The following GAK variants were observed in gnomAD, a reference collection of about 807,000 sequenced individuals.
The protein encoded by GAK is cyclin G associated kinase.
A neutral mutation model predicts 143.9 loss-of-function variants in GAK; 79 were observed. The observed-to-expected ratio is 0.55, with a 90% CI of 0.46 to 0.66. GAK has a LOEUF of 0.66. Among genes scored for constraint, GAK ranks in the 30% least tolerant of loss-of-function variants. The probability of loss-of-function intolerance (pLI) is 0.00; values close to 1 mark genes in which losing one functional copy is unlikely to be tolerated. For missense variants in GAK, 1,693 were observed against 1,779.7 expected, an observed-to-expected ratio of 0.95 and a Z score of 0.88; for synonymous variants, 881 against 765.5, an observed-to-expected ratio of 1.15 and a Z score of -2.49.
intron 18 of GAK, among the ~76,000 whole-genome samples, chr4:872,077 C>T (rs1201029605): frequency 6.6e-6 from 1 of 152,340 alleles, no homozygotes; most frequent in South Asian, 2.1e-4. Flanking sequence ...CGAGGGAGGG[C>T]AGGGAGACGG....
intron 1 of GAK, among the ~76,000 whole-genome samples, chr4:927,793 C>T (rs1383161281): frequency 1.3e-5 from 2 of 151,764 alleles, no homozygotes; most frequent in East Asian, 3.9e-4. Flanking sequence ...CACTGCCCCG[C>T]ACCCCTCCCT....
At chr4:925,504 C>G (rs1724575129) in intron 1 of GAK, among the ~76,000 whole-genome samples, 1 of 152,212 alleles carries the variant, frequency 6.6e-6, no homozygotes, top group Admixed American at 6.5e-5. Context: ...AGACACTTTT[C>G]TAACGTAAAA....
chr4:906,559 C>T (rs958735231), intron 4 of GAK, among the ~76,000 whole-genome samples: 1 of 152,204 alleles, frequency 6.6e-6, no homozygotes, highest in Non-Finnish European at 1.5e-5. Flanking sequence ...AGACCCAACC[C>T]ATCCTGCTCC....
intron 22 of GAK, among the ~76,000 whole-genome samples, chr4:865,587 G>A (rs1751031223): frequency 6.6e-6 from 1 of 152,216 alleles, no homozygotes; most frequent in Admixed American, 6.5e-5. Flanking sequence ...ACCCACCAGA[G>A]CCCGAGGTGG....
At chr4:909,924 G>A (rs933837666) in intron 4 of GAK, among the ~76,000 whole-genome samples, 1 of 152,112 alleles carries the variant, frequency 6.6e-6, no homozygotes, top group Admixed American at 6.5e-5. Context: ...CCTGCAGGCG[G>A]CTCTGACCAC....
rs761338594 is a variant in GAK, at chr4:867,391, T to C, written c.2437A>G (p.Lys813Glu). The change falls in exon 21 of 28, where the codon AAG (lysine) becomes GAG (glutamate). Residue 813 changes from lysine (K) to glutamate (E), a missense_variant. Around this residue, in one of 2 missense-constraint regions of GAK, gnomAD observed 822 missense variants for 788.7 expected, o/e 1.04. Transcript: ENST00000314167. ...AETGAENASS[K>E]ESESALMEDR... ...TCCATCAGGGCAGACTCGCTCTCCTTGGAAGAGGCATTTTCTGCACCAGTC... is the reference window on the plus strand; with the variant it reads ...TCCATCAGGGCAGACTCGCTCTCCTCGGAAGAGGCATTTTCTGCACCAGTC... 1.8e-5 allele frequency: 28 copies of C among 1,553,340 alleles called. No homozygotes were observed. Among genetic ancestry groups the C allele is most frequent in the East Asian group, 4.6e-5 (2 of 43,360 alleles).
In GAK at chr4:862,009, C is replaced by T. The variant is rs1253960584; in HGVS notation, c.3167-2287G>A. Among the ~76,000 whole-genome samples, 7 of 152,230 alleles carry T rather than the reference C, an allele frequency of 4.6e-5. No homozygotes were observed. In the East Asian group the frequency reaches 5.8e-4, roughly 13 times the overall value. ...TACAAGTGCAAGGTGAAGCAGCAAG[C>T]GCTGACGGGGAAGCTGCAGTAAGTC... On this transcript the variant is annotated intron_variant, in intron 23 of 27. Transcript: ENST00000314167.
rs1423895940 is a variant in GAK, at chr4:849,627, G to A, written c.*46C>T. The A allele has an allele frequency of 2.0e-6, 3 of 1,492,854 alleles. No individual in the cohort carries two copies. The highest frequency in any genetic ancestry group is 1.2e-5 in the South Asian group (1 of 86,628). 92.5% of individuals were successfully genotyped at this position (1,492,854 alleles called of 1,614,324 possible). A position where few individuals can be genotyped will look rare whatever the true frequency, so the allele number is the denominator to read the frequency against. ...CGGTGGGGACCCAGGTCCCACGACGGCTCCCAACCTGTGGAGCTGTGTGCG... is the reference window on the plus strand; with the variant it reads ...CGGTGGGGACCCAGGTCCCACGACGACTCCCAACCTGTGGAGCTGTGTGCG... On this transcript the variant is annotated 3_prime_UTR_variant, in exon 28 of 28. Transcript: ENST00000314167.
At chr4:901,951 G>A (rs1719945625) in intron 5 of GAK, among the ~76,000 whole-genome samples, 2 of 152,238 alleles carry the variant, frequency 1.3e-5, no homozygotes, top group Non-Finnish European at 2.9e-5. Flanking sequence ...CATAAAAAAT[G>A]TCCTGGCCGG....
At chr4:884,261 G>T in intron 11 of GAK, 175 bp from the exon 12 acceptor site, 1 of 593,238 alleles carries the variant, frequency 1.7e-6, no homozygotes. Context: ...GGCTGTGTGC[G>T]TGCTGTGGAG....
intron 7 of GAK, among the ~76,000 whole-genome samples, chr4:896,204 C>T (rs1461890263): frequency 2.6e-5 from 4 of 152,144 alleles, no homozygotes; most frequent in Non-Finnish European, 4.4e-5. Context: ...CGGGAGGCTG[C>T]GGTGAGCCTG....
At chr4:928,703 A>G (rs1725218082) in intron 1 of GAK, among the ~76,000 whole-genome samples, 1 of 152,144 alleles carries the variant, frequency 6.6e-6, no homozygotes, top group African/African-American at 2.4e-5. Flanking sequence ...TGATTCTGCA[A>G]CTGTCAGTCA....
intron 18 of GAK, among the ~76,000 whole-genome samples, chr4:875,203 C>G (rs911251376): frequency 1.3e-5 from 2 of 152,214 alleles, no homozygotes. Context: ...CTATTTTAAG[C>G]ACCGCCTCCA....
chr4:906,117 C>T (rs1184536939), intron 4 of GAK, among the ~76,000 whole-genome samples: 2 of 152,174 alleles, frequency 1.3e-5, no homozygotes, highest in Admixed American at 6.5e-5. Context: ...ACTACATTGG[C>T]GTCCCAGCAG....
At chr4:888,658 T>C in intron 11 of GAK, 189 bp downstream of exon 11, 1 of 655,418 alleles carries the variant, frequency 1.5e-6, no homozygotes. Flanking sequence ...GAAAGGGATC[T>C]GCCTGGCTCT....
chr4:866,443 G>C lies in GAK; in HGVS notation c.2964C>G (p.Asp988Glu). 6.2e-7 allele frequency: 1 copy of C among 1,614,166 alleles called. No homozygotes were observed. The highest frequency in any genetic ancestry group is 8.5e-7 in the Non-Finnish European group (1 of 1,179,996). Residue 988 changes from aspartate (D) to glutamate (E), a missense_variant, in exon 22 of 28, where the codon GAC becomes GAG. Physicochemically the swap from Asp to Glu is conservative, Grantham distance 45. Around this residue, in one of 2 missense-constraint regions of GAK, gnomAD observed 822 missense variants for 788.7 expected, o/e 1.04. Coordinates refer to ENST00000314167, the MANE Select transcript of GAK (RefSeq NM_005255.4). ...PDLFGEFLNS[D>E]SVTVPPSFPS... ...GGAAGGATGGTGGGACGGTCACAGA[G>C]TCCGAATTGAGAAATTCGCCGAAGA...
chr4:859,740 G>C lies in GAK; in HGVS notation c.3167-18C>G. ...GAGGGGGCCTGGAGAAGGGGCACAG[G>C]GCATTAGAACAAGCACCATCTGAAG... On this transcript the variant is annotated intron_variant, in intron 23 of 27. Transcript: ENST00000314167. 1 of 1,545,968 alleles carries C rather than the reference G, an allele frequency of 6.5e-7. No individual in the cohort carries two copies.
At chr4:859,891 C>T (rs770965967) in intron 23 of GAK, among the ~76,000 whole-genome samples, 169 bp from the exon 24 acceptor site, 3 of 152,138 alleles carry the variant, frequency 2.0e-5, no homozygotes, top group East Asian at 1.9e-4. Flanking sequence ...GTGTGTGTGG[C>T]GGACGCTGCC....
chr4:880,929 G>A (rs1222800938), intron 15 of GAK, among the ~76,000 whole-genome samples: 3 of 152,196 alleles, frequency 2.0e-5, no homozygotes, highest in Non-Finnish European at 4.4e-5. Context: ...ACCTGGCCTG[G>A]GGGTGCCAAT....
Sources: gnomAD v4.1 joint callset for allele counts (sites outside exome capture counted in the v4.1 genomes callset) on GRCh38, gnomAD v4.1.1 for gene constraint, gnomAD v4.1.1 regional missense constraint, MANE v1.5 for transcripts, NCBI Gene and HGNC (gene_info 2026-07-23, HGNC 2026-07-21) for gene names.